Variants in CRADD observed in about 807,000 individuals in gnomAD.
CRADD encodes the protein death domain-containing protein CRADD.
In CRADD, 9 loss-of-function variants were observed where a neutral mutation model predicts 15.5. The ratio of observed to expected loss-of-function variants is 0.58; its 90% CI spans 0.35 to 1.01. The LOEUF is 1.01. CRADD is among the 50% of genes least tolerant of loss of function. CRADD has a pLI of 0.02. For synonymous variants in CRADD, 118 were observed against 107.6 expected (o/e 1.10, Z -0.60); for missense variants, 227 against 250.3 (o/e 0.91, Z 0.63).
At chr12:93,827,043 AC>A (rs1324884283) in intron 2 of CRADD, among the ~76,000 whole-genome samples, 2 of 152,060 alleles carry the variant, frequency 1.3e-5, no homozygotes, top group Non-Finnish European at 2.9e-5. Flanking sequence ...GACAAAATAA[AC>A]CCAAAAAAAC....
At chr12:93,715,646 T>G (rs1956148555) in intron 2 of CRADD, among the ~76,000 whole-genome samples, 1 of 152,198 alleles carries the variant, frequency 6.6e-6, no homozygotes, top group Non-Finnish European at 1.5e-5. Flanking sequence ...AAAATTTTTT[T>G]CATCTTTAGC....
chr12:93,774,331 G>A (rs1047695679), intron 2 of CRADD, among the ~76,000 whole-genome samples: 3 of 152,142 alleles, frequency 2.0e-5, no homozygotes, highest in African/African-American at 7.2e-5. Context: ...AGCTGATGGG[G>A]GCCTTGGAAG....
intron 2 of CRADD, among the ~76,000 whole-genome samples, chr12:93,807,700 A>G (rs1199467117): frequency 6.6e-6 from 1 of 152,100 alleles, no homozygotes; most frequent in African/African-American, 2.4e-5. Flanking sequence ...TATGACTGGA[A>G]TGGCACCTCC....
intron 2 of CRADD, among the ~76,000 whole-genome samples, chr12:93,842,890 T>G (rs912423938): frequency 6.6e-6 from 1 of 151,894 alleles, no homozygotes. Flanking sequence ...GTAAATGGGG[T>G]TGTCAGTATA....
intron 1 of CRADD, chr12:93,677,720 G>A (rs1452262540): frequency 6.6e-6 from 1 of 152,296 alleles, no homozygotes; most frequent in Admixed American, 6.5e-5. Context: ...TTGATACAAG[G>A]GTTTCAGCGG....
At chr12:93,856,846 A>G (rs1202559222) in intron 2 of CRADD, among the ~76,000 whole-genome samples, 1 of 152,200 alleles carries the variant, frequency 6.6e-6, no homozygotes, top group East Asian at 1.9e-4. Flanking sequence ...CTTTTCCTCT[A>G]AAACTCCCAC....
chr12:93,879,092 A>T (rs146851688), intron 2 of CRADD, among the ~76,000 whole-genome samples: 2 of 151,942 alleles, frequency 1.3e-5, no homozygotes, highest in African/African-American at 4.8e-5. Context: ...TTTTTGCACT[A>T]TGTTCAGGGA....
intron 2 of CRADD, among the ~76,000 whole-genome samples, chr12:93,732,560 T>A (rs1565892830): frequency 6.6e-6 from 1 of 152,222 alleles, no homozygotes; most frequent in Non-Finnish European, 1.5e-5. Context: ...TGTTCTTCTG[T>A]TTTGACATTC....
chr12:93,710,205 C>A (rs954618015), intron 2 of CRADD, among the ~76,000 whole-genome samples: 1 of 152,128 alleles, frequency 6.6e-6, no homozygotes, highest in Admixed American at 6.5e-5. Flanking sequence ...TCTCATGTTT[C>A]CTGTTGGCTG....
At chr12:93,839,987 C>A (rs1195766762) in intron 2 of CRADD, among the ~76,000 whole-genome samples, 1 of 152,182 alleles carries the variant, frequency 6.6e-6, no homozygotes, top group Admixed American at 6.5e-5. Flanking sequence ...CCTTATTTTC[C>A]ATGAACTTTA....
At position 93,678,697 on chromosome 12, in the gene CRADD, A is replaced by G; in HGVS notation, c.-6-72A>G. The G allele has an allele frequency of 3.3e-6, 5 of 1,504,368 alleles. No individual in the cohort carries two copies. The South Asian group carries it at 6.5e-5, about 20-fold the overall frequency. The allele number at this position is 1,504,368 out of a possible 1,614,324, so 93.2% of individuals were successfully genotyped here. ...ATGTGCTTGACCTGAAGGAACTTAC[A>G]TTGCAGTGACACTGTCTTTAGGGCC... On this transcript the variant is annotated intron_variant, in intron 1 of 2. Coordinates refer to ENST00000332896, the MANE Select transcript of CRADD (RefSeq NM_003805.5).
At chr12:93,849,797 T>C (rs902712438) in intron 2 of CRADD, among the ~76,000 whole-genome samples, 173 bp from the exon 3 acceptor site, 1 of 151,142 alleles carries the variant, frequency 6.6e-6, no homozygotes, top group Non-Finnish European at 1.5e-5. Flanking sequence ...CTTAACAGCA[T>C]TGAAGCCCTG....
At chr12:93,770,855 T>C (rs1476616094) in intron 2 of CRADD, among the ~76,000 whole-genome samples, 1 of 152,228 alleles carries the variant, frequency 6.6e-6, no homozygotes, top group Non-Finnish European at 1.5e-5. Context: ...ACACTCAGAT[T>C]TGCAGAGATT....
chr12:93,713,704 C>T (rs1490990696), intron 2 of CRADD, among the ~76,000 whole-genome samples: 1 of 151,752 alleles, frequency 6.6e-6, no homozygotes, highest in Non-Finnish European at 1.5e-5. Context: ...TATACAGAAC[C>T]TGGGGATACA....
At chr12:93,860,274 C>G (rs943128003) in intron 2 of CRADD, among the ~76,000 whole-genome samples, 17 of 152,152 alleles carry the variant, frequency 1.1e-4, no homozygotes, top group Non-Finnish European at 1.5e-4. Context: ...GCCTGTCTGA[C>G]CAAAGCTAAA....
chr12:93,763,742 A>C (rs1406387332), intron 2 of CRADD, among the ~76,000 whole-genome samples: 2 of 152,130 alleles, frequency 1.3e-5, no homozygotes, highest in African/African-American at 2.4e-5. Flanking sequence ...CATATGTGTA[A>C]GTTTGGCCCC....
chr12:93,838,707 T>G (rs973939411), intron 2 of CRADD, among the ~76,000 whole-genome samples: 1 of 152,226 alleles, frequency 6.6e-6, no homozygotes, highest in South Asian at 2.1e-4. Flanking sequence ...CTGACTGATA[T>G]GTATTCCTTT....
chr12:93,730,203 C>T (rs1390995125), intron 2 of CRADD, among the ~76,000 whole-genome samples: 1 of 152,214 alleles, frequency 6.6e-6, no homozygotes, highest in Admixed American at 6.5e-5. Context: ...AGCAGCTTGT[C>T]CTAGATCACA....
chr12:93,837,963 C>CAAAA (rs1957994013), intron 2 of CRADD: 1 of 152,176 alleles, frequency 6.6e-6, no homozygotes, highest in East Asian at 1.9e-4. Context: ...TCAATTATTG[C>CAAAA]TAACAGTTTT....
Sources: allele counts gnomAD v4.1 joint callset (sites outside exome capture counted in the v4.1 genomes callset), GRCh38; gene constraint gnomAD v4.1.1; transcripts MANE v1.5; gene names NCBI Gene and HGNC (gene_info 2026-07-23, HGNC 2026-07-21).